Variants in PKD2L1 observed in about 807,000 individuals in gnomAD.
The protein encoded by PKD2L1 is polycystin 2 like 1, transient receptor potential cation channel.
Under a neutral mutation model 93.0 loss-of-function variants are expected in PKD2L1, and 77 were observed. That is an observed-to-expected ratio of 0.83 (90% CI 0.69 to 1.00). PKD2L1 has a LOEUF of 1.00. Ranked by LOEUF, PKD2L1 falls within the 50% of genes least tolerant of loss-of-function variation. The pLI, the probability that PKD2L1 is intolerant of heterozygous loss-of-function variation, is 0.00. For missense variants in PKD2L1, 977 were observed against 990.9 expected (o/e 0.99, Z 0.19); for synonymous variants, 390 against 388.0 (o/e 1.01, Z -0.06).
intron 2 of PKD2L1, among the ~76,000 whole-genome samples, chr10:100,325,743 G>A (rs1849364636): frequency 1.3e-5 from 2 of 152,186 alleles, no homozygotes; most frequent in Non-Finnish European, 2.9e-5. Flanking sequence ...GGGTTATGAT[G>A]CCACATTTAT....
At chr10:100,314,626 C>G (rs1849021979) in intron 2 of PKD2L1, among the ~76,000 whole-genome samples, 1 of 152,188 alleles carries the variant, frequency 6.6e-6, no homozygotes, top group Non-Finnish European at 1.5e-5. Context: ...TTATCACAAT[C>G]AGCGGACGTT....
In PKD2L1 at chr10:100,296,195, A is replaced by C. The variant is rs777550249; in HGVS notation, c.1283T>G (p.Phe428Cys). ...TGTCTGCCAGAAGGCGAGGAACTCA[A>C]AGTCTGCATACGTGTTTGGCTGCTG... Reference protein sequence around the residue: ...LLQQPNTYADFEFLAFWQTQY... With the variant: ...LLQQPNTYADCEFLAFWQTQY... Residue 428 changes from phenylalanine (F) to cysteine (C), a missense_variant, in exon 7 of 16, where the codon TTT (phenylalanine) becomes TGT (cysteine). Phe to Cys is a radical substitution (Grantham distance 205). Coordinates refer to ENST00000318222, the MANE Select transcript of PKD2L1 (RefSeq NM_016112.3). 6 of 1,612,544 alleles carry C rather than the reference A, an allele frequency of 3.7e-6. No individual in the cohort carries two copies. The African/African-American group carries it at 5.3e-5, about 14-fold the overall frequency.
chr10:100,314,169 A>G (rs985782880), intron 2 of PKD2L1, among the ~76,000 whole-genome samples: 1 of 152,196 alleles, frequency 6.6e-6, no homozygotes, highest in Non-Finnish European at 1.5e-5. Flanking sequence ...TTGGAAGGGT[A>G]TGAAATTCCT....
Position 100,290,448 on chromosome 10 carries a change from T to A in PKD2L1, c.2079A>T (p.Pro693=). 1 of 1,613,816 alleles carries A rather than the reference T, an allele frequency of 6.2e-7. No individual in the cohort carries two copies. The change falls in exon 13 of 16, where the codon CCA becomes CCT. Residue 693 remains proline (P), a synonymous_variant. Coordinates refer to ENST00000318222, the MANE Select transcript of PKD2L1 (RefSeq NM_016112.3). ...IVSSPQGKSG[P]EAARAGGWVS... is the part of the protein sequence containing the mutation. Reference sequence around the variant, plus strand: ...CCCAGCCTCCTGCTCTGGCAGCCTCTGGACCCGATTTGCCTTGTGGGCTGC... The same window carrying A: ...CCCAGCCTCCTGCTCTGGCAGCCTCAGGACCCGATTTGCCTTGTGGGCTGC...
rs1385953910 is a variant in PKD2L1 at position 100,329,873 on chromosome 10, G to A, written c.231C>T (p.Ile77=). 6.3e-7 allele frequency: 1 copy of A among 1,596,818 alleles called. No individual in the cohort carries two copies. The highest frequency in any genetic ancestry group is 1.7e-5 in the Admixed American group (1 of 59,490). Residue 77 remains isoleucine, a synonymous_variant, in exon 1 of 16, where the codon ATC becomes ATT. Transcript: ENST00000318222. ...SSCCLHICQG[I]RGLWGTTLTE... is the part of the protein sequence containing the mutation. ...AACTGTCCCCCTATCTGGTACCTCT[G>A]ATGCCTTGACAGATATGGAGGCAGC...
intron 2 of PKD2L1, among the ~76,000 whole-genome samples, chr10:100,305,981 G>A (rs187439798): frequency 2.6e-5 from 4 of 152,080 alleles, no homozygotes; most frequent in African/African-American, 7.2e-5. Flanking sequence ...CCAGGAGTTC[G>A]ATATCAGCCT....
intron 2 of PKD2L1, among the ~76,000 whole-genome samples, chr10:100,311,509 T>G (rs1848932165): frequency 6.6e-6 from 1 of 152,208 alleles, no homozygotes; most frequent in Non-Finnish European, 1.5e-5. Context: ...ATGTTTACAG[T>G]AGAGACTGAA....
At chr10:100,295,206 C>T in intron 7 of PKD2L1, 83 bp from the exon 8 acceptor site, 2 of 1,108,232 alleles carry the variant, frequency 1.8e-6, no homozygotes, top group South Asian at 2.9e-5. Context: ...CTATGGAGGC[C>T]ACAGGAGTTG....
chr10:100,298,978 C>T (rs118186049), intron 3 of PKD2L1, among the ~76,000 whole-genome samples, 163 bp from the exon 4 acceptor site: 18,488 of 151,984 alleles, frequency 0.12, 1,158 homozygotes, highest in Admixed American at 0.15. Flanking sequence ...GACAGAGTCT[C>T]GCTTTGTCAC....
At chr10:100,307,334 G>A (rs1178691204) in intron 2 of PKD2L1, among the ~76,000 whole-genome samples, 1 of 152,166 alleles carries the variant, frequency 6.6e-6, no homozygotes, top group Admixed American at 6.6e-5. Context: ...ATAGTAGACC[G>A]ATTGTGTATC....
In PKD2L1 at chr10:100,298,804, G is replaced by A; in HGVS notation, c.489C>T (p.Gly163=). The change falls in exon 4 of 16, where the codon GGC becomes GGT. Residue 163 remains glycine, a synonymous_variant. Coordinates refer to ENST00000318222, the MANE Select transcript of PKD2L1 (RefSeq NM_016112.3). ...TCCAATACAAACTGTCCAGTAGTGG[G>A]CCCTGGGCAAACTGAACCACAAGCT... ...SMADFWDFAQ[G]PLLDSLYWTK... is the part of the protein sequence containing the mutation. The A allele has an allele frequency of 6.2e-7, 1 of 1,611,152 alleles. No homozygotes were observed. The highest frequency in any genetic ancestry group is 2.2e-5 in the East Asian group (1 of 44,838).
chr10:100,321,231 G>A (rs1212348809), intron 2 of PKD2L1, among the ~76,000 whole-genome samples: 1 of 151,942 alleles, frequency 6.6e-6, no homozygotes, highest in East Asian at 1.9e-4. Context: ...AGGTCGAGGT[G>A]GGTGGATCAC....
At chr10:100,289,881 C>T in intron 14 of PKD2L1, 134 bp downstream of exon 14, 1 of 1,055,656 alleles carries the variant, frequency 9.5e-7, no homozygotes, top group Non-Finnish European at 1.4e-6. Flanking sequence ...GATACACTAA[C>T]CGCTATGAAC....
chr10:100,288,918 C>G (rs377187521), intron 15 of PKD2L1, 54 bp downstream of exon 15: 1 of 1,203,368 alleles, frequency 8.3e-7, no homozygotes, highest in Non-Finnish European at 1.2e-6. Flanking sequence ...GGGGCCTGTG[C>G]GGAGGCAGAG....
At chr10:100,296,585 TC>T (rs1472394219) in intron 6 of PKD2L1, among the ~76,000 whole-genome samples, 1 of 152,088 alleles carries the variant, frequency 6.6e-6, no homozygotes, top group African/African-American at 2.4e-5. Context: ...TCCCACCACT[TC>T]CAAGCTTTGG....
rs1157797955 is a variant in PKD2L1 at position 100,297,512 on chromosome 10, C to T, written c.826G>A (p.Gly276Arg). 6.2e-7 allele frequency: 1 copy of T among 1,614,150 alleles called. No homozygotes were observed. Among genetic ancestry groups the T allele is most frequent in the East Asian group, 2.2e-5 (1 of 44,870 alleles). ...GCCTCTGCACTACCCTGTCGGGATC[C>T]TGGAAGGTCCAGGTAGTAGCCACCT... ...SGGGYYLDLP[G>R]SRQGSAEALR... Residue 276 changes from glycine (G) to arginine (R), a missense_variant, in exon 5 of 16, where the codon GGA becomes AGA. Physicochemically the swap from Gly to Arg is moderately radical, Grantham distance 125. Transcript: ENST00000318222.
intron 2 of PKD2L1, among the ~76,000 whole-genome samples, chr10:100,313,346 A>G (rs1419815826): frequency 6.6e-6 from 1 of 152,208 alleles, no homozygotes; most frequent in African/African-American, 2.4e-5. Context: ...GGAGTCTTTG[A>G]ACATATGGAC....
rs1849249183 is a variant in PKD2L1 at position 100,321,756 on chromosome 10, A to AAAGG, written c.349+7454_349+7455insCCTT. ...GAAAGAAAGAAAGAAAGAAAGAAAG[A>AAAGG]AGGGAGGGAGGGAGGGAGGGAGGGA... On this transcript the variant is annotated intron_variant, in intron 2 of 15. Coordinates refer to ENST00000318222, the MANE Select transcript of PKD2L1 (RefSeq NM_016112.3). 2.2e-3 allele frequency among the ~76,000 whole-genome samples: 4 copies of AAAGG among 1,836 alleles called. 1 individual carries two copies. Among genetic ancestry groups the AAAGG allele is most frequent in the East Asian group, 0.03 (2 of 66 alleles). 1.2% of individuals were successfully genotyped at this position (1,836 alleles called of 152,430 possible). A position where few individuals can be genotyped will look rare whatever the true frequency, so the allele number is the denominator to read the frequency against.
At chr10:100,301,059 A>T (rs932709403) in intron 2 of PKD2L1, among the ~76,000 whole-genome samples, 7 of 152,200 alleles carry the variant, frequency 4.6e-5, no homozygotes, top group Non-Finnish European at 8.8e-5. Context: ...GAGACGTCAC[A>T]TGTCGGCAGG....
Sources: allele counts gnomAD v4.1 joint callset (sites outside exome capture counted in the v4.1 genomes callset), GRCh38; gene constraint gnomAD v4.1.1; transcripts MANE v1.5; gene names NCBI Gene and HGNC (gene_info 2026-07-23, HGNC 2026-07-21).